The following MORC1 variants were observed in gnomAD, a reference collection of about 807,000 sequenced individuals.
MORC1 encodes MORC family CW-type zinc finger protein 1.
In MORC1, 59 loss-of-function variants were observed where a neutral mutation model predicts 134.9. The observed-to-expected ratio is 0.44, with a 90% CI of 0.35 to 0.54. MORC1 has a LOEUF of 0.54. Among genes scored for constraint, MORC1 ranks in the 20% least tolerant of loss-of-function variants. The pLI, the probability that MORC1 is intolerant of heterozygous loss-of-function variation, is 0.00. For synonymous variants in MORC1, 395 were observed against 391.7 expected (o/e 1.01, Z -0.10); for missense variants, 947 against 1,134.5 (o/e 0.83, Z 2.37).
intron 12 of MORC1, among the ~76,000 whole-genome samples, chr3:109,058,784 G>A (rs115728134): frequency 0.028 from 4,318 of 151,670 alleles, 165 homozygotes; most frequent in Admixed American, 0.11. Flanking sequence ...ATACGACATA[G>A]TCACTCTACA....
chr3:109,043,501 C>T (rs888223459), intron 14 of MORC1, among the ~76,000 whole-genome samples: 10 of 151,492 alleles, frequency 6.6e-5, no homozygotes, highest in African/African-American at 2.4e-4. Context: ...GACAGTTGTA[C>T]AGCATTTAAA....
chr3:109,073,999 T>C (rs550718078), intron 8 of MORC1, among the ~76,000 whole-genome samples: 10 of 152,308 alleles, frequency 6.6e-5, no homozygotes, highest in Non-Finnish European at 1.5e-4. Flanking sequence ...ATTAGAACAA[T>C]TTGAAGCTAT....
intron 24 of MORC1, among the ~76,000 whole-genome samples, chr3:108,976,073 C>T (rs988065745): frequency 6.6e-6 from 1 of 152,028 alleles, no homozygotes; most frequent in African/African-American, 2.4e-5. Flanking sequence ...GGGAAGTCAA[C>T]AAACTAATAC....
At chr3:108,986,791 G>T in intron 22 of MORC1, 89 bp downstream of exon 22, 1 of 897,804 alleles carries the variant, frequency 1.1e-6, no homozygotes, top group Non-Finnish European at 1.7e-6. Context: ...ACAAACTTCT[G>T]ATCTATATAT....
At chr3:108,995,008 T>C (rs941282138) in intron 21 of MORC1, among the ~76,000 whole-genome samples, 1 of 152,204 alleles carries the variant, frequency 6.6e-6, no homozygotes, top group African/African-American at 2.4e-5. Context: ...ATTTGTACTT[T>C]TATCGTTTTT....
At chr3:108,963,178 A>T (rs1947127449) in intron 27 of MORC1, among the ~76,000 whole-genome samples, 1 of 135,530 alleles carries the variant, frequency 7.4e-6, no homozygotes, top group Admixed American at 7.6e-5. Flanking sequence ...ACACAGCAAG[A>T]CTCCATCTCA....
chr3:109,044,062 T>C (rs1949624550), intron 14 of MORC1, among the ~76,000 whole-genome samples: 1 of 152,204 alleles, frequency 6.6e-6, no homozygotes, highest in Non-Finnish European at 1.5e-5. Context: ...TTAAGACTTT[T>C]GTATGAAGAA....
chr3:109,062,147 T>C, intron 10 of MORC1, 89 bp from the exon 11 acceptor site: 1 of 1,133,080 alleles, frequency 8.8e-7, no homozygotes, highest in Non-Finnish European at 1.3e-6. Context: ...GCATGACCAG[T>C]GAAAAAGGCA....
chr3:109,015,975 A>T (rs765274053), intron 17 of MORC1, among the ~76,000 whole-genome samples: 1 of 152,170 alleles, frequency 6.6e-6, no homozygotes, highest in Non-Finnish European at 1.5e-5. Flanking sequence ...ATAATTAGTT[A>T]TCTAGGGAAC....
chr3:109,111,062 A>AAAAAC (rs1951158907), intron 2 of MORC1, among the ~76,000 whole-genome samples: 2 of 145,402 alleles, frequency 1.4e-5, no homozygotes, highest in Non-Finnish European at 3.0e-5. Flanking sequence ...AAAAAAAAAA[A>AAAAAC]AAAAAACAAA....
At chr3:109,066,836 C>CT (rs1950207957) in intron 9 of MORC1, among the ~76,000 whole-genome samples, 1 of 152,152 alleles carries the variant, frequency 6.6e-6, no homozygotes, top group East Asian at 1.9e-4. Context: ...CAAGTAATTG[C>CT]CAAAGGTCCA....
intron 27 of MORC1, among the ~76,000 whole-genome samples, chr3:108,960,041 A>G (rs918211789): frequency 5.3e-5 from 8 of 152,030 alleles, no homozygotes; most frequent in African/African-American, 1.9e-4. Context: ...TATGGCAAGT[A>G]ATTTTTTAAA....
intron 9 of MORC1, among the ~76,000 whole-genome samples, chr3:109,067,486 A>G (rs759161123): frequency 2.0e-5 from 3 of 152,216 alleles, no homozygotes; most frequent in Non-Finnish European, 4.4e-5. Flanking sequence ...ATCACTGGAT[A>G]TAAGTAATTT....
chr3:109,069,583 A>C (rs1950271496), intron 9 of MORC1, 49 bp downstream of exon 9: 1 of 1,494,772 alleles, frequency 6.7e-7, no homozygotes, highest in Non-Finnish European at 9.0e-7. Context: ...GAGCATATCA[A>C]TTTTATAAAT....
intron 8 of MORC1, among the ~76,000 whole-genome samples, chr3:109,087,894 A>G (rs1319900557): frequency 6.6e-6 from 1 of 152,088 alleles, no homozygotes; most frequent in Admixed American, 6.6e-5. Flanking sequence ...GATCAATGAA[A>G]CAGAAAAGAG....
intron 14 of MORC1, among the ~76,000 whole-genome samples, chr3:109,045,924 G>GT (rs1381577141): frequency 2.0e-5 from 3 of 151,982 alleles, no homozygotes; most frequent in African/African-American, 7.3e-5. Context: ...CTCTAGTTCC[G>GT]TATCACTGGT....
rs552365498 is a variant in MORC1, at chr3:109,091,306, G to C, written c.689+2130C>G. Among the ~76,000 whole-genome samples, 41 of 151,070 alleles carry C rather than the reference G, an allele frequency of 2.7e-4. 2 individuals carry two copies. The South Asian group carries it at 8.6e-3, about 32-fold the overall frequency. On this transcript the variant is annotated intron_variant, in intron 8 of 27. Coordinates refer to ENST00000232603, the MANE Select transcript of MORC1 (RefSeq NM_014429.4). ...AAAAATACAAAAAATTAGCCGGGCA[G>C]GGTGGCACATGCCTGTAATCCCAGC...
At chr3:109,092,607 G>A (rs1950753485) in intron 8 of MORC1, among the ~76,000 whole-genome samples, 2 of 152,012 alleles carry the variant, frequency 1.3e-5, no homozygotes, top group African/African-American at 4.8e-5. Flanking sequence ...TTTTCATATT[G>A]AAATTTAAAT....
At chr3:109,061,614 G>C (rs1292117313) in intron 11 of MORC1, among the ~76,000 whole-genome samples, 3 of 152,098 alleles carry the variant, frequency 2.0e-5, no homozygotes, top group Non-Finnish European at 4.4e-5. Context: ...GCTCTAATTT[G>C]AATAGATATT....
Sources: allele counts gnomAD v4.1 joint callset (sites outside exome capture counted in the v4.1 genomes callset), GRCh38; gene constraint gnomAD v4.1.1; transcripts MANE v1.5; gene names NCBI Gene and HGNC (gene_info 2026-07-23, HGNC 2026-07-21).